Variants in C10orf88 observed in about 807,000 individuals in gnomAD.
C10orf88 encodes the protein ATPase PAAT.
C10orf88 carries 29 observed loss-of-function variants against 34.2 expected under a neutral mutation model. That is an observed-to-expected ratio of 0.85 (90% CI 0.63 to 1.16). C10orf88 has a LOEUF of 1.16. Ranked by LOEUF, C10orf88 falls within the 50% of genes most tolerant of loss-of-function variation. The pLI is 0.00. For missense variants in C10orf88, 507 were observed against 533.2 expected (o/e 0.95, Z 0.48); for synonymous variants, 194 against 197.4 (o/e 0.98, Z 0.15).
intron 4 of C10orf88, among the ~76,000 whole-genome samples, chr10:122,941,936 C>A (rs1433955496): frequency 6.6e-6 from 1 of 152,038 alleles, no homozygotes; most frequent in Non-Finnish European, 1.5e-5. Context: ...AGGATACACG[C>A]CAAACTGTTA....
intron 4 of C10orf88, among the ~76,000 whole-genome samples, chr10:122,944,898 C>T (rs1848623749): frequency 1.3e-5 from 2 of 151,684 alleles, no homozygotes; most frequent in African/African-American, 4.8e-5. Context: ...TACCTAATCC[C>T]TCACAATTTG....
chr10:122,950,100 C>T (rs1193464882), intron 3 of C10orf88, among the ~76,000 whole-genome samples: 2 of 152,142 alleles, frequency 1.3e-5, no homozygotes, highest in African/African-American at 4.8e-5. Context: ...GGAAAGGGAA[C>T]GGACTTTAGA....
chr10:122,943,403 C>T (rs1308026180), intron 4 of C10orf88, among the ~76,000 whole-genome samples: 4 of 150,736 alleles, frequency 2.7e-5, no homozygotes, highest in African/African-American at 9.8e-5. Context: ...AAACGTTAGA[C>T]CTAAAACCAT....
intron 5 of C10orf88, among the ~76,000 whole-genome samples, chr10:122,933,976 A>C (rs1168552853): frequency 1.3e-5 from 2 of 152,198 alleles, no homozygotes; most frequent in Non-Finnish European, 2.9e-5. Flanking sequence ...TGTAGCCTAC[A>C]TAAGTTTATT....
intron 3 of C10orf88, 139 bp downstream of exon 3, chr10:122,951,810 ACAGAG>A (rs1366179030): frequency 3.6e-6 from 2 of 552,296 alleles, no homozygotes; most frequent in Non-Finnish European, 6.5e-6. Flanking sequence ...AGCCTGGGCA[ACAGAG>A]CAAGATACTG....
At chr10:122,932,737 A>C in intron 5 of C10orf88, 76 bp from the exon 6 acceptor site, 1 of 995,764 alleles carries the variant, frequency 1.0e-6, no homozygotes, top group Admixed American at 2.4e-5. Flanking sequence ...CAAGCAGCCA[A>C]CATATATTGC....
chr10:122,932,520 T>C lies in C10orf88; in HGVS notation c.1245A>G (p.Leu415=), dbSNP rs201888811. 2 of 1,614,034 alleles carry C rather than the reference T, an allele frequency of 1.2e-6. No homozygotes were observed. Among genetic ancestry groups the C allele is most frequent in the South Asian group, 2.2e-5 (2 of 91,088 alleles). ...AGTTAGGATTTTGCAGCAAATCCAG[T>C]AACAAAGCAATCTTATCATCAATGT... ...QEHIDDKIAL[L]LDLLQNPNSP... The change falls in exon 6 of 6, where the codon TTA becomes TTG. Residue 415 remains leucine, a synonymous_variant. Transcript: ENST00000481909.
intron 4 of C10orf88, among the ~76,000 whole-genome samples, chr10:122,938,431 T>G (rs969621922): frequency 6.6e-6 from 1 of 152,036 alleles, no homozygotes; most frequent in African/African-American, 2.4e-5. Context: ...CATTGTAGTT[T>G]TTCCCAAAAG....
intron 4 of C10orf88, among the ~76,000 whole-genome samples, chr10:122,943,643 T>C (rs903097089): frequency 6.6e-6 from 1 of 152,006 alleles, no homozygotes; most frequent in Non-Finnish European, 1.5e-5. Flanking sequence ...AGGGCTAATA[T>C]CCAGAATCTG....
intron 4 of C10orf88, among the ~76,000 whole-genome samples, chr10:122,947,197 T>C (rs192803036): frequency 1.3e-5 from 2 of 152,330 alleles, no homozygotes; most frequent in Admixed American, 1.3e-4. Flanking sequence ...TCCATCTTTT[T>C]TGAAATTCTT....
At chr10:122,944,363 T>C (rs1204119561) in intron 4 of C10orf88, among the ~76,000 whole-genome samples, 2 of 109,086 alleles carry the variant, frequency 1.8e-5, no homozygotes, top group African/African-American at 3.7e-5. Context: ...CATCACACTC[T>C]GGGGACTGTT....
At chr10:122,938,180 A>T (rs1465386125) in intron 4 of C10orf88, 21 bp from the exon 5 acceptor site, 1 of 1,541,790 alleles carries the variant, frequency 6.5e-7, no homozygotes, top group Non-Finnish European at 8.8e-7. Flanking sequence ...TAAACAAGTA[A>T]ATGTTAATAT....
chr10:122,939,194 A>G (rs2133330253), intron 4 of C10orf88, among the ~76,000 whole-genome samples: 1 of 152,108 alleles, frequency 6.6e-6, no homozygotes, highest in East Asian at 1.9e-4. Context: ...CACTGGAAAT[A>G]CAGCAGCGAA....
In C10orf88 at chr10:122,932,640, G is replaced by C; in HGVS notation, c.1125C>G (p.Cys375Trp). The change falls in exon 6 of 6, where the codon TGC (cysteine) becomes TGG (tryptophan). Residue 375 changes from cysteine to tryptophan, a missense_variant. Coordinates refer to ENST00000481909, the MANE Select transcript of C10orf88 (RefSeq NM_024942.4). ...TAGAAAGAATCTTTTCCAAGTAGGA[G>C]CAAATAGATTGCTCTTCCATTCTAA... ...LGVGMEEQSICSYLEKILSKN... is the reference protein window; with the variant it reads ...LGVGMEEQSIWSYLEKILSKN... The C allele has an allele frequency of 6.2e-7, 1 of 1,608,250 alleles. No individual in the cohort carries two copies. Among genetic ancestry groups the C allele is most frequent in the Non-Finnish European group, 8.5e-7 (1 of 1,176,782 alleles).
chr10:122,953,969 G>A (rs1848720987), intron 1 of C10orf88, 46 bp downstream of exon 1: 2 of 1,470,766 alleles, frequency 1.4e-6, no homozygotes, highest in Non-Finnish European at 1.8e-6. Context: ...CTAGAAGCGC[G>A]GCAGTTGCCG....
At position 122,948,617 on chromosome 10, in the gene C10orf88, T is replaced by C. The variant is rs1165863327; in HGVS notation, c.648+32A>G. ...AAAGCAATGGTTTTGAAATCATTAA[T>C]GTTATCTGGAAAGAAATCCATTTCT... On this transcript the variant is annotated intron_variant, in intron 4 of 5. Coordinates refer to ENST00000481909, the MANE Select transcript of C10orf88 (RefSeq NM_024942.4). 2.5e-6 allele frequency: 4 copies of C among 1,591,356 alleles called. No homozygotes were observed. The African/African-American group carries it at 5.4e-5, about 21-fold the overall frequency.
At position 122,948,816 on chromosome 10, in the gene C10orf88, T is replaced by G. The variant is rs761263811; in HGVS notation, c.481A>C (p.Lys161Gln). The change falls in exon 4 of 6, where the codon AAA (lysine) becomes CAA (glutamine). Residue 161 changes from lysine to glutamine, a missense_variant. By Grantham distance (53) the Lys-to-Gln change is moderately conservative (BLOSUM62 1). Coordinates refer to ENST00000481909, the MANE Select transcript of C10orf88 (RefSeq NM_024942.4). ...FGERQCVFIS[K>Q]VVVHMRSVFA... ...ACTGATCTCATGTGTACCACAACTT[T>G]ACTGATGAACACACACTGCCTTTCG... 6 of 1,613,496 alleles carry G rather than the reference T, an allele frequency of 3.7e-6. No individual in the cohort carries two copies. The highest frequency in any genetic ancestry group is 5.1e-6 in the Non-Finnish European group (6 of 1,179,854).
Position 122,931,363 on chromosome 10 carries a change from C to A in C10orf88, c.*1064G>T, listed in dbSNP as rs185658564. The A allele has an allele frequency of 6.6e-6, 1 of 151,936 alleles. No homozygotes were observed. Among genetic ancestry groups the A allele is most frequent in the African/African-American group, 2.4e-5 (1 of 41,338 alleles). The allele number at this position is 151,936 out of a possible 1,614,324, so 9.4% of individuals were successfully genotyped here. A position where few individuals can be genotyped will look rare whatever the true frequency, so the allele number is the denominator to read the frequency against. On this transcript the variant is annotated 3_prime_UTR_variant, in exon 6 of 6. Coordinates refer to ENST00000481909, the MANE Select transcript of C10orf88 (RefSeq NM_024942.4). ...GCAGGGTAAAAATTCAGCTATGTCA[C>A]GCAGGAATTACATCAGGTAACATTT...
At chr10:122,945,393 A>T (rs1340505002) in intron 4 of C10orf88, among the ~76,000 whole-genome samples, 3 of 152,292 alleles carry the variant, frequency 2.0e-5, no homozygotes, top group Non-Finnish European at 4.4e-5. Flanking sequence ...TTTAGTCTTA[A>T]AGTATATTCC....
Sources: gnomAD v4.1 joint callset for allele counts (sites outside exome capture counted in the v4.1 genomes callset) on GRCh38, gnomAD v4.1.1 for gene constraint, MANE v1.5 for transcripts, NCBI Gene and HGNC (gene_info 2026-07-23, HGNC 2026-07-21) for gene names.